Variants in PGS1 observed in about 807,000 individuals in gnomAD.
PGS1 encodes CDP-diacylglycerol--glycerol-3-phosphate 3-phosphatidyltransferase, mitochondrial.
PGS1 carries 44 observed loss-of-function variants against 58.3 expected under a neutral mutation model. That is an observed-to-expected ratio of 0.75 (90% confidence interval 0.59 to 0.97). The LOEUF (loss-of-function observed/expected upper bound fraction) is 0.97. Ranked by LOEUF, PGS1 falls within the 50% of genes least tolerant of loss-of-function variation. PGS1 has a pLI of 0.00. For synonymous variants in PGS1, 330 were observed against 311.0 expected (o/e 1.06, Z -0.64); for missense variants, 684 against 731.1 (o/e 0.94, Z 0.74).
At chr17:78,416,189 G>A (rs1348008588) in intron 8 of PGS1, among the ~76,000 whole-genome samples, 2 of 152,282 alleles carry the variant, frequency 1.3e-5, no homozygotes, top group Admixed American at 6.5e-5. Context: ...GGGCCAGTGG[G>A]GTAATGGGTT....
intron 9 of PGS1, chr17:78,420,970 A>C (rs1025367449): frequency 1.3e-5 from 2 of 152,214 alleles, no homozygotes; most frequent in Non-Finnish European, 2.9e-5. Flanking sequence ...CAAATACCTA[A>C]ATGGTGTTCA....
rs544758331 is a variant in PGS1 at position 78,400,363 on chromosome 17, C to T, written c.702-314C>T. 2.3e-4 allele frequency among the ~76,000 whole-genome samples: 34 copies of T among 149,980 alleles called. No homozygotes were observed. Among genetic ancestry groups the T allele is most frequent in the Admixed American group, 1.1e-3 (17 of 15,006 alleles). The stretch of plus-strand genomic sequence containing the variant: ...TCATGCCACTGCACTCCAGCCTGGG[C>T]GACAGAATGAGATTGTCTCAAAAAA... On this transcript the variant is annotated intron_variant, in intron 5 of 9. Transcript: ENST00000262764. The surrounding 1 kb of genome is among the most constrained non-coding windows in gnomAD (Gnocchi z 4.4).
At chr17:78,402,074 C>T (rs1331465018) in intron 6 of PGS1, among the ~76,000 whole-genome samples, 1 of 152,142 alleles carries the variant, frequency 6.6e-6, no homozygotes, top group Non-Finnish European at 1.5e-5. Context: ...GCTCCTCCCT[C>T]CGGCAGCCCT....
rs1314042958 is a variant in PGS1, at chr17:78,392,603, GGA to G, written c.273_274del (p.Val92LeufsTer6). The G allele has an allele frequency of 6.2e-7, 1 of 1,614,190 alleles. No homozygotes were observed. Among genetic ancestry groups the G allele is most frequent in the East Asian group, 2.2e-5 (1 of 44,886 alleles). ...GATCAGAAACCTGGTTCCAGAATTTGGAGTCTCCAGTTCTCACGTTAGGGTGC... is the reference window on the plus strand; with the variant it reads ...GATCAGAAACCTGGTTCCAGAATTTGGTCTCCAGTTCTCACGTTAGGGTGC... ...QWIRNLVPEF[G>X]VSSSHVRVLS... On this transcript the variant is annotated frameshift_variant, in exon 2 of 10. Coordinates refer to ENST00000262764, the MANE Select transcript of PGS1 (RefSeq NM_024419.5). LOFTEE classifies it high-confidence loss of function.
At chr17:78,415,685 C>T (rs1019270558) in intron 8 of PGS1, among the ~76,000 whole-genome samples, 5 of 152,146 alleles carry the variant, frequency 3.3e-5, no homozygotes, top group African/African-American at 1.2e-4. Flanking sequence ...TAATAGTAGC[C>T]CATTTTCTCT....
rs769952950 is a variant in PGS1 at position 78,378,753 on chromosome 17, C to T, written c.88C>T (p.Leu30Phe). The change falls in exon 1 of 10, where the codon CTC (leucine) becomes TTC (phenylalanine). Residue 30 changes from leucine to phenylalanine, a missense_variant. Transcript: ENST00000262764. ...LLPGRPGLAALLGRLSDRLGR... is the reference protein window; with the variant it reads ...LLPGRPGLAAFLGRLSDRLGR... ...GCCTGGCCGCCCAGGGCTGGCCGCGCTCCTGGGACGCCTGTCCGACCGCCT... is the reference window on the plus strand; with the variant it reads ...GCCTGGCCGCCCAGGGCTGGCCGCGTTCCTGGGACGCCTGTCCGACCGCCT... 5 of 1,501,938 alleles carry T rather than the reference C, an allele frequency of 3.3e-6. No homozygotes were observed. The South Asian group carries it at 5.0e-5, about 15-fold the overall frequency. 93.0% of individuals were successfully genotyped at this position (1,501,938 alleles called of 1,614,324 possible).
Position 78,419,642 on chromosome 17 carries a change from C to A in PGS1, c.1648C>A (p.Pro550Thr). The A allele has an allele frequency of 6.2e-7, 1 of 1,613,998 alleles. No homozygotes were observed. Among genetic ancestry groups the A allele is most frequent in the Non-Finnish European group, 8.5e-7 (1 of 1,179,956 alleles). Residue 550 changes from proline (P) to threonine (T), a missense_variant, in exon 9 of 10, where the codon CCA becomes ACA. Transcript: ENST00000262764. The part of the protein sequence containing the change: ...QVKLWVKMVT[P>T]LIKNFF ...GAAGCTGTGGGTGAAGATGGTGACT[C>A]CACTGATCAAGAACTTCTTCTGAGG...
chr17:78,407,861 T>C (rs2084289706), intron 7 of PGS1, among the ~76,000 whole-genome samples: 1 of 152,178 alleles, frequency 6.6e-6, no homozygotes, highest in South Asian at 2.1e-4. Flanking sequence ...CACCTTCTCA[T>C]GTAAAATGAC....
chr17:78,404,808 G>C (rs542383453), intron 7 of PGS1, among the ~76,000 whole-genome samples: 1 of 152,122 alleles, frequency 6.6e-6, no homozygotes, highest in Admixed American at 6.6e-5. Flanking sequence ...TTACAGGCCT[G>C]TACCACCACG....
In PGS1 at chr17:78,411,902, C is replaced by CTTTTTTTTTTTTT. The variant is rs35472026; in HGVS notation, c.1403-2961_1403-2949dup. ...ATGAAACAGAACTAAAGGGCTCCTG[C>CTTTTTTTTTTTTT]TTTTTTTTTTTTTTTTTTTTTTTTT... is the stretch of plus-strand genomic sequence containing the variant. On this transcript the variant is annotated intron_variant, in intron 7 of 9. Transcript: ENST00000262764. Among the ~76,000 whole-genome samples, 2 of 57,986 alleles carry CTTTTTTTTTTTTT rather than the reference C, an allele frequency of 3.4e-5. 1 individual carries two copies. The highest frequency in any genetic ancestry group is 1.5e-4 in the African/African-American group (2 of 13,140). The allele number at this position is 57,986 out of a possible 152,430, so 38.0% of individuals were successfully genotyped here.
At chr17:78,396,409 G>A (rs754859449) in intron 3 of PGS1, 24 bp downstream of exon 3, 7 of 1,548,592 alleles carry the variant, frequency 4.5e-6, no homozygotes, top group Admixed American at 1.8e-5. Context: ...GGAGATGGTT[G>A]TGGCAGCAAT....
chr17:78,396,208 C>A, intron 2 of PGS1, 100 bp from the exon 3 acceptor site: 1 of 830,944 alleles, frequency 1.2e-6, no homozygotes, highest in Non-Finnish European at 2.1e-6. Context: ...TAGGATAGTT[C>A]AGCTTGGAGT....
At chr17:78,382,700 TG>T (rs2082120536) in intron 1 of PGS1, 1 of 132,646 alleles carries the variant, frequency 7.5e-6, no homozygotes, top group Non-Finnish European at 1.5e-5. Context: ...TGGAGTGCAA[TG>T]GCACGATCTC....
At chr17:78,399,922 A>T (rs890939803) in intron 5 of PGS1, 19 of 274,312 alleles carry the variant, frequency 6.9e-5, no homozygotes, top group African/African-American at 4.2e-4. Flanking sequence ...CCAGGTCCTT[A>T]GGCTGATAAA....
At chr17:78,391,261 A>C (rs1048831887) in intron 1 of PGS1, among the ~76,000 whole-genome samples, 2 of 150,904 alleles carry the variant, frequency 1.3e-5, no homozygotes, top group Non-Finnish European at 3.0e-5. Context: ...GCTCATCATC[A>C]CTCTTGAGAG....
chr17:78,404,003 T>C lies in PGS1; in HGVS notation c.1316T>C (p.Phe439Ser). The change falls in exon 7 of 10, where the codon TTC becomes TCC. Residue 439 changes from phenylalanine to serine, a missense_variant. Transcript: ENST00000262764. The part of the protein sequence containing the change: ...PAAYVHIERQ[F>S]FSEVCSLGQQ... Reference sequence around the variant, plus strand: ...GCCTATGTGCACATCGAGCGACAGTTCTTCAGTGAGGTGTGCAGCCTGGGA... The same window carrying C: ...GCCTATGTGCACATCGAGCGACAGTCCTTCAGTGAGGTGTGCAGCCTGGGA... The C allele has an allele frequency of 6.2e-7, 1 of 1,613,794 alleles. No homozygotes were observed. Among genetic ancestry groups the C allele is most frequent in the Non-Finnish European group, 8.5e-7 (1 of 1,179,900 alleles).
chr17:78,424,048 AT>A lies in PGS1; in HGVS notation c.*11-12del. 1 of 1,614,056 alleles carries A rather than the reference AT, an allele frequency of 6.2e-7. No individual in the cohort carries two copies. The highest frequency in any genetic ancestry group is 8.5e-7 in the Non-Finnish European group (1 of 1,179,910). ...ACACTCATAGATGTTCTTGGTCTCC[AT>A]GCGGTCCACAGGAATGGCCTTGATG... On this transcript the variant is annotated splice_polypyrimidine_tract_variant and intron_variant, in intron 9 of 9. Coordinates refer to ENST00000262764, the MANE Select transcript of PGS1 (RefSeq NM_024419.5).
chr17:78,404,096 A>G lies in PGS1; in HGVS notation c.1402+7A>G. The G allele has an allele frequency of 6.5e-7, 1 of 1,526,904 alleles. No homozygotes were observed. Among genetic ancestry groups the G allele is most frequent in the Non-Finnish European group, 8.8e-7 (1 of 1,135,984 alleles). 94.6% of individuals were successfully genotyped at this position (1,526,904 alleles called of 1,614,324 possible). A position where few individuals can be genotyped will look rare whatever the true frequency, so the allele number is the denominator to read the frequency against. On this transcript the variant is annotated splice_region_variant and intron_variant, in intron 7 of 9. Transcript: ENST00000262764. ...TGGACGTTCCACGCCAAAGGTGCGC[A>G]GCGGCTGGCTGGAGGACGTTCCAGT...
At chr17:78,411,782 G>T (rs949865178) in intron 7 of PGS1, among the ~76,000 whole-genome samples, 2 of 151,952 alleles carry the variant, frequency 1.3e-5, no homozygotes. Context: ...TCCCAGGCCT[G>T]ATAGTCTTAG....
Sources: gnomAD v4.1 joint callset for allele counts (sites outside exome capture counted in the v4.1 genomes callset) on GRCh38, gnomAD v4.1.1 for gene constraint, Gnocchi (gnomAD v3.1) non-coding constraint, MANE v1.5 for transcripts, NCBI Gene and HGNC (gene_info 2026-07-23, HGNC 2026-07-21) for gene names.